The following PDE7B variants were observed in gnomAD, a reference collection of about 807,000 sequenced individuals.
The protein encoded by PDE7B is 3',5'-cyclic-AMP phosphodiesterase 7B.
In PDE7B, 29 loss-of-function variants were observed where a neutral mutation model predicts 56.2. The observed-to-expected ratio is 0.52, with a 90% CI of 0.38 to 0.70. PDE7B has a LOEUF of 0.70. PDE7B is among the 30% of genes least tolerant of loss of function. The pLI, the probability that PDE7B is intolerant of heterozygous loss-of-function variation, is 0.00. For synonymous variants in PDE7B, 197 were observed against 196.9 expected (o/e 1.00, Z 0.00); for missense variants, 490 against 565.0 (o/e 0.87, Z 1.35).
Position 136,192,646 on chromosome 6 carries a change from C to T in PDE7B, c.*806C>T, listed in dbSNP as rs975638556. ...ATGTACATTTTCTGTAAATACCAAACGCTACTGATTCCCATGCCAAAATAC... is the reference window on the plus strand; with the variant it reads ...ATGTACATTTTCTGTAAATACCAAATGCTACTGATTCCCATGCCAAAATAC... On this transcript the variant is annotated 3_prime_UTR_variant, in exon 13 of 13. Transcript: ENST00000308191. 2 of 152,612 alleles carry T rather than the reference C, an allele frequency of 1.3e-5. No homozygotes were observed. Among genetic ancestry groups the T allele is most frequent in the African/African-American group, 4.8e-5 (2 of 41,452 alleles). 9.5% of individuals were successfully genotyped at this position (152,612 alleles called of 1,614,324 possible). A position where few individuals can be genotyped will look rare whatever the true frequency, so the allele number is the denominator to read the frequency against.
In PDE7B at chr6:136,191,799, C is replaced by A. The variant is rs1324891894; in HGVS notation, c.1312C>A (p.Gln438Lys). The change falls in exon 13 of 13, where the codon CAA becomes AAA. Residue 438 changes from glutamine (Q) to lysine (K), a missense_variant. Transcript: ENST00000308191. The part of the protein sequence containing the change: ...GSGPDHDHAG[Q>K]GTESEEQEGD... ...CGGGCCTGACCACGACCACGCAGGC[C>A]AAGGGACTGAGAGCGAGGAGCAGGA... 6.4e-7 allele frequency: 1 copy of A among 1,563,334 alleles called. No individual in the cohort carries two copies. Among genetic ancestry groups the A allele is most frequent in the Non-Finnish European group, 8.7e-7 (1 of 1,154,528 alleles).
intron 1 of PDE7B, among the ~76,000 whole-genome samples, chr6:135,918,218 C>G (rs1191630347): frequency 6.6e-6 from 1 of 152,136 alleles, no homozygotes; most frequent in Non-Finnish European, 1.5e-5. Flanking sequence ...CCTCCCTGTG[C>G]CTAGACAGAG....
chr6:136,086,249 T>C (rs1219204028), intron 2 of PDE7B, among the ~76,000 whole-genome samples: 2 of 152,214 alleles, frequency 1.3e-5, no homozygotes, highest in East Asian at 3.8e-4. Context: ...GAGCAGTTGA[T>C]AACTTTTCTT....
intron 2 of PDE7B, among the ~76,000 whole-genome samples, chr6:135,992,320 G>A (rs914112470): frequency 5.9e-5 from 9 of 152,094 alleles, no homozygotes; most frequent in South Asian, 2.1e-4. Context: ...CTTGGGCCAC[G>A]GATGGGACTA....
chr6:135,851,858 C>CT lies in PDE7B; in HGVS notation c.-128dup, dbSNP rs60347338. On this transcript the variant is annotated 5_prime_UTR_variant, in exon 1 of 13. Transcript: ENST00000308191. Reference sequence around the variant, plus strand: ...TTCTTTATTTCTTTTCCTTTTTTTTCTTTTTTTTTTTTTGTTACTTAATTA... The same window carrying CT: ...TTCTTTATTTCTTTTCCTTTTTTTTCTTTTTTTTTTTTTTGTTACTTAATTA... 0.094 allele frequency: 46,468 copies of CT among 492,204 alleles called. 624 individuals are homozygous for CT. The highest frequency in any genetic ancestry group is 0.2 in the East Asian group (5,676 of 28,874). 30.5% of individuals were successfully genotyped at this position (492,204 alleles called of 1,614,324 possible). A position where few individuals can be genotyped will look rare whatever the true frequency, so the allele number is the denominator to read the frequency against.
chr6:135,906,234 T>G (rs1250328926), intron 1 of PDE7B, among the ~76,000 whole-genome samples: 7 of 152,158 alleles, frequency 4.6e-5, no homozygotes, highest in Admixed American at 6.5e-5. Flanking sequence ...TTTAGAGAAC[T>G]TATTGTATAA....
intron 3 of PDE7B, among the ~76,000 whole-genome samples, chr6:136,131,505 T>G (rs889818000): frequency 6.8e-6 from 1 of 147,058 alleles, no homozygotes; most frequent in African/African-American, 2.5e-5. Context: ...TTTTTTTTTT[T>G]TTTTTTTTTT....
At chr6:136,191,587 T>C (rs1779225688) in intron 12 of PDE7B, 27 bp from the exon 13 acceptor site, 1 of 1,591,616 alleles carries the variant, frequency 6.3e-7, no homozygotes, top group Admixed American at 1.7e-5. Context: ...CACGCTGTGA[T>C]GCTGAGCCTT....
Position 135,908,141 on chromosome 6 carries a change from T to A in PDE7B, c.22-39323T>A, listed in dbSNP as rs2128193245. Reference sequence around the variant, plus strand: ...TTTGCTCTTGTCGCCCAGGCTGAACTGCAGTGGTGTGATCTTGGCTCACTG... The same window carrying A: ...TTTGCTCTTGTCGCCCAGGCTGAACAGCAGTGGTGTGATCTTGGCTCACTG... On this transcript the variant is annotated intron_variant, in intron 1 of 12. Coordinates refer to ENST00000308191, the MANE Select transcript of PDE7B (RefSeq NM_018945.4). Among the ~76,000 whole-genome samples the A allele has an allele frequency of 2.0e-5, 3 of 151,952 alleles. No homozygotes were observed. The South Asian group carries it at 6.2e-4, about 32-fold the overall frequency.
chr6:136,169,060 C>T (rs1203091410), intron 8 of PDE7B, among the ~76,000 whole-genome samples: 2 of 152,138 alleles, frequency 1.3e-5, no homozygotes, highest in South Asian at 2.1e-4. Flanking sequence ...GTGAGGCCTT[C>T]CTCAGCTACT....
intron 2 of PDE7B, among the ~76,000 whole-genome samples, chr6:135,975,811 G>T (rs1165505374): frequency 2.1e-5 from 1 of 48,170 alleles, no homozygotes; most frequent in Non-Finnish European, 3.6e-5. Flanking sequence ...TACCTTAGGT[G>T]CCAAATTTGT....
intron 2 of PDE7B, among the ~76,000 whole-genome samples, chr6:135,966,070 A>G (rs1774992294): frequency 1.3e-5 from 2 of 152,210 alleles, no homozygotes; most frequent in Non-Finnish European, 2.9e-5. Context: ...ATTTAAAGCC[A>G]TATGTTATAT....
chr6:136,179,388 T>A (rs1779027788), intron 10 of PDE7B, among the ~76,000 whole-genome samples: 2 of 152,112 alleles, frequency 1.3e-5, no homozygotes, highest in African/African-American at 4.8e-5. Flanking sequence ...AGGGCCATGA[T>A]CAATAATTTT....
At chr6:135,946,942 G>C (rs1397387190) in intron 1 of PDE7B, among the ~76,000 whole-genome samples, 1 of 152,050 alleles carries the variant, frequency 6.6e-6, no homozygotes, top group Non-Finnish European at 1.5e-5. Flanking sequence ...ATTTCCGTAA[G>C]TCTGTGAGTT....
chr6:135,940,485 A>T (rs978824138), intron 1 of PDE7B, among the ~76,000 whole-genome samples: 1 of 152,228 alleles, frequency 6.6e-6, no homozygotes. Flanking sequence ...CTGTTCACTT[A>T]TTCATTCACT....
rs146145636 is a variant in PDE7B, at chr6:136,148,731, C to G, written c.319-356C>G. ...GTGTCTCTCCTCTAAGCAGCCACCT[C>G]TCAAGAAAGGTGGTGTGAGATGTGG... is the stretch of plus-strand genomic sequence containing the variant. On this transcript the variant is annotated intron_variant, in intron 4 of 12. Transcript: ENST00000308191. Among the ~76,000 whole-genome samples the G allele has an allele frequency of 2.1e-3, 319 of 152,262 alleles. 1 individual carries two copies. Among genetic ancestry groups the G allele is most frequent in the African/African-American group, 7.5e-3 (312 of 41,542 alleles).
At chr6:136,158,265 G>A (rs1226578348) in intron 8 of PDE7B, among the ~76,000 whole-genome samples, 1 of 152,078 alleles carries the variant, frequency 6.6e-6, no homozygotes, top group Non-Finnish European at 1.5e-5. Flanking sequence ...CCTAGGGAGA[G>A]GGTCTATAAG....
intron 2 of PDE7B, among the ~76,000 whole-genome samples, chr6:136,078,304 C>T (rs1459469939): frequency 2.6e-5 from 4 of 152,082 alleles, no homozygotes; most frequent in Admixed American, 1.3e-4. Flanking sequence ...GATGAATACT[C>T]GTATTCTTGG....
chr6:136,191,316 T>C (rs1779221018), intron 12 of PDE7B, among the ~76,000 whole-genome samples: 1 of 152,192 alleles, frequency 6.6e-6, no homozygotes. Context: ...GAAATTTTTA[T>C]TAGGCTGAAA....
Sources: allele counts gnomAD v4.1 joint callset (sites outside exome capture counted in the v4.1 genomes callset), GRCh38; gene constraint gnomAD v4.1.1; transcripts MANE v1.5; gene names NCBI Gene and HGNC (gene_info 2026-07-23, HGNC 2026-07-21).